The following MYO9A variants were observed in gnomAD, a reference collection of about 807,000 sequenced individuals.
MYO9A encodes unconventional myosin-IXa.
Under a neutral mutation model 293.3 loss-of-function variants are expected in MYO9A, and 103 were observed. That is an observed-to-expected ratio of 0.35 (90% CI 0.30 to 0.41). The LOEUF (loss-of-function observed/expected upper bound fraction) is 0.41, where lower values mean the gene tolerates loss of function less well. Ranked by LOEUF, MYO9A falls within the 10% of genes least tolerant of loss-of-function variation. The probability of loss-of-function intolerance (pLI) is 1.00; values close to 1 mark genes in which losing one functional copy is unlikely to be tolerated. For synonymous variants in MYO9A, 1,001 were observed against 1,035.7 expected (o/e 0.97, Z 0.64); for missense variants, 2,685 against 3,033.0 (o/e 0.89, Z 2.69).
At chr15:72,072,718 T>A (rs2079232110) in intron 1 of MYO9A, among the ~76,000 whole-genome samples, 1 of 152,026 alleles carries the variant, frequency 6.6e-6, no homozygotes, top group South Asian at 2.1e-4. Context: ...TAGATGGACA[T>A]AAGGATGAAA....
intron 3 of MYO9A, among the ~76,000 whole-genome samples, chr15:72,031,665 T>G (rs752658823): frequency 6.6e-6 from 1 of 151,824 alleles, no homozygotes; most frequent in East Asian, 1.9e-4. Context: ...TAAAGGAATA[T>G]AGGGGAATTT....
chr15:71,990,183 C>G (rs1596330680), intron 11 of MYO9A, among the ~76,000 whole-genome samples: 1 of 151,376 alleles, frequency 6.6e-6, no homozygotes, highest in East Asian at 2.0e-4. Flanking sequence ...CTCCCAGGCT[C>G]AGGTGATCCT....
intron 39 of MYO9A, among the ~76,000 whole-genome samples, chr15:71,835,415 T>C (rs1309814886): frequency 6.6e-6 from 1 of 152,112 alleles, no homozygotes; most frequent in Non-Finnish European, 1.5e-5. Context: ...AGAAAACTTA[T>C]TAGAATAAGT....
At chr15:72,083,623 C>T (rs568330270) in intron 1 of MYO9A, among the ~76,000 whole-genome samples, 16 of 152,248 alleles carry the variant, frequency 1.1e-4, no homozygotes, top group African/African-American at 3.9e-4. Context: ...ATCTTTTTAA[C>T]TTTTTCATGT....
At chr15:72,052,964 T>A (rs7172557) in intron 1 of MYO9A, among the ~76,000 whole-genome samples, 2 of 152,238 alleles carry the variant, frequency 1.3e-5, no homozygotes, top group Non-Finnish European at 1.5e-5. Context: ...GTTTCCAGCC[T>A]GAAAAGTATC....
chr15:71,989,004 C>T (rs1270768584), intron 11 of MYO9A, among the ~76,000 whole-genome samples: 2 of 152,136 alleles, frequency 1.3e-5, no homozygotes, highest in Admixed American at 1.3e-4. Flanking sequence ...AGGTGATTCT[C>T]CTGCCTCAGC....
intron 12 of MYO9A, among the ~76,000 whole-genome samples, chr15:71,971,530 G>A (rs1246520382): frequency 1.3e-5 from 2 of 150,384 alleles, no homozygotes; most frequent in Non-Finnish European, 2.9e-5. Context: ...GCTTCAGTAA[G>A]CCATAACCGC....
intron 34 of MYO9A, among the ~76,000 whole-genome samples, chr15:71,857,401 G>A (rs1567202376): frequency 6.6e-6 from 1 of 152,080 alleles, no homozygotes; most frequent in African/African-American, 2.4e-5. Flanking sequence ...CACATTGCAA[G>A]TTACAGCTTA....
At chr15:72,001,965 C>T (rs948271331) in intron 8 of MYO9A, among the ~76,000 whole-genome samples, 5 of 152,066 alleles carry the variant, frequency 3.3e-5, no homozygotes, top group African/African-American at 9.7e-5. Flanking sequence ...AGGTATATTG[C>T]TGCAATTATT....
At chr15:72,052,650 CA>C (rs1368578903) in intron 1 of MYO9A, among the ~76,000 whole-genome samples, 49 of 152,220 alleles carry the variant, frequency 3.2e-4, no homozygotes, top group Non-Finnish European at 8.8e-5. Context: ...CTGGCATCTT[CA>C]AGCTTCCGAG....
intron 1 of MYO9A, among the ~76,000 whole-genome samples, chr15:72,096,455 C>A (rs980274187): frequency 3.3e-5 from 5 of 152,280 alleles, no homozygotes; most frequent in Admixed American, 1.3e-4. Flanking sequence ...GTTTTAAGCC[C>A]ACCGTTGAGA....
At chr15:71,977,408 C>A (rs1286894376) in intron 12 of MYO9A, among the ~76,000 whole-genome samples, 1 of 151,998 alleles carries the variant, frequency 6.6e-6, no homozygotes, top group East Asian at 1.9e-4. Context: ...AGCTAATTTT[C>A]ATATTTTCAG....
At chr15:72,053,433 G>T (rs534518705) in intron 1 of MYO9A, among the ~76,000 whole-genome samples, 1 of 152,156 alleles carries the variant, frequency 6.6e-6, no homozygotes, top group Admixed American at 6.5e-5. Context: ...TTTTTTAAGT[G>T]TAACTTTCCA....
intron 1 of MYO9A, among the ~76,000 whole-genome samples, chr15:72,101,225 C>CT (rs1444235544): frequency 2.2e-5 from 3 of 135,324 alleles, no homozygotes; most frequent in Non-Finnish European, 4.9e-5. Context: ...GGCCAGCCGC[C>CT]CCGTCCGGGA....
At chr15:72,044,616 G>C (rs765943603) in intron 2 of MYO9A, among the ~76,000 whole-genome samples, 1 of 152,080 alleles carries the variant, frequency 6.6e-6, no homozygotes, top group Non-Finnish European at 1.5e-5. Context: ...ACATATAAGT[G>C]AGACTGTGGA....
Position 71,937,037 on chromosome 15 carries a change from AAGGG to A in MYO9A, c.2379-1557_2379-1554del, listed in dbSNP as rs904429451. ...GGAAAGCAGGAAGGAAGGAAAAACG[AAGGG>A]AGGGAGGGAGGGAGAGGGAGGAAAA... On this transcript the variant is annotated intron_variant, in intron 16 of 41. Coordinates refer to ENST00000356056, the MANE Select transcript of MYO9A (RefSeq NM_006901.4). Among the ~76,000 whole-genome samples the A allele has an allele frequency of 5.3e-5, 8 of 149,804 alleles. No homozygotes were observed. The East Asian group carries it at 6.0e-4, about 11-fold the overall frequency.
At chr15:72,057,640 G>A (rs1252231206) in intron 1 of MYO9A, among the ~76,000 whole-genome samples, 2 of 152,142 alleles carry the variant, frequency 1.3e-5, no homozygotes, top group East Asian at 1.9e-4. Context: ...AATTTTTGCT[G>A]CAACTGTCGG....
At position 71,994,683 on chromosome 15, in the gene MYO9A, C is replaced by A. The variant is rs879944427; in HGVS notation, c.1471-98G>T. The A allele has an allele frequency of 1.8e-5, 11 of 609,488 alleles. No individual in the cohort carries two copies. The highest frequency in any genetic ancestry group is 2.8e-5 in the Non-Finnish European group (10 of 357,694). 37.8% of individuals were successfully genotyped at this position (609,488 alleles called of 1,614,324 possible). ...CCCATTCAAGAAAGAAACTTACTAT[C>A]CTGAATTAGAAATGAATTTTTCTCT... On this transcript the variant is annotated intron_variant, in intron 9 of 41. Transcript: ENST00000356056.
At chr15:71,893,832 A>G (rs2057247978) in intron 25 of MYO9A, 54 bp from the exon 26 acceptor site, 1 of 1,439,778 alleles carries the variant, frequency 6.9e-7, no homozygotes, top group Non-Finnish European at 9.7e-7. Context: ...ATCCCATGGC[A>G]GCCAGGTTAA....
Sources: gnomAD v4.1 joint callset for allele counts (sites outside exome capture counted in the v4.1 genomes callset) on GRCh38, gnomAD v4.1.1 for gene constraint, MANE v1.5 for transcripts, NCBI Gene and HGNC (gene_info 2026-07-23, HGNC 2026-07-21) for gene names.